BRWD3: variants seen among roughly 807,000 people sequenced by gnomAD.
BRWD3 encodes bromodomain and WD repeat-containing protein 3.
In BRWD3, 10 loss-of-function variants were observed where a neutral mutation model predicts 149.7. The ratio of observed to expected loss-of-function variants is 0.07; its 90% CI spans 0.04 to 0.11. BRWD3 has a LOEUF of 0.11. BRWD3 is among the 10% of genes least tolerant of loss of function. BRWD3 has a pLI of 1.00. For synonymous variants in BRWD3, 504 were observed against 456.7 expected (o/e 1.10, Z -1.32); for missense variants, 940 against 1,373.2 (o/e 0.68, Z 4.99).
Position 80,787,095 on chromosome X carries a change from A to C in BRWD3, c.430+4759T>G, listed in dbSNP as rs2074116501. ...TACTAGCAACAAACTGAAAATCAAA[A>C]ATCTTAAAAATACAAATTAAAACTA... On this transcript the variant is annotated intron_variant, in intron 6 of 40. Transcript: ENST00000373275. Among the ~76,000 whole-genome samples the C allele has an allele frequency of 4.5e-5, 5 of 111,833 alleles. No individual in the cohort carries two copies. In the Admixed American group the frequency reaches 4.8e-4, roughly 11 times the overall value.
chrX:80,721,090 T>C (rs1005649130), intron 17 of BRWD3, among the ~76,000 whole-genome samples: 1 of 112,341 alleles, frequency 8.9e-6, no homozygotes, highest in African/African-American at 3.2e-5. Flanking sequence ...ATTACTGTCT[T>C]TTGATAACAT....
At chrX:80,726,683 C>A (rs1361559754) in intron 14 of BRWD3, among the ~76,000 whole-genome samples, 1 of 110,238 alleles carries the variant, frequency 9.1e-6, no homozygotes, top group Non-Finnish European at 1.9e-5. Context: ...AATAGAGTAT[C>A]CTACCATATT....
At chrX:80,768,916 GA>G (rs1355494548) in intron 6 of BRWD3, among the ~76,000 whole-genome samples, 8 of 101,134 alleles carry the variant, frequency 7.9e-5, no homozygotes, top group African/African-American at 2.5e-4. Context: ...GCAAAAAAAA[GA>G]AAAAAAAAAG....
intron 14 of BRWD3, among the ~76,000 whole-genome samples, chrX:80,726,151 TATAACAC>T (rs1421612921): frequency 2.6e-4 from 28 of 108,816 alleles, no homozygotes; most frequent in African/African-American, 8.6e-4. Context: ...CTGTATAACA[TATAACAC>T]GTTTACATGT....
At chrX:80,808,458 G>A (rs1358076747) in intron 4 of BRWD3, 81 bp downstream of exon 4, 18 of 781,959 alleles carry the variant, frequency 2.3e-5, no homozygotes, top group Admixed American at 1.5e-4. Context: ...TCGGCTGAGA[G>A]GTGGGGGGCG....
chrX:80,768,489 A>T (rs1357619191), intron 6 of BRWD3, among the ~76,000 whole-genome samples: 7 of 111,587 alleles, frequency 6.3e-5, no homozygotes, highest in Non-Finnish European at 7.5e-5. Context: ...TAAGCTTCAT[A>T]AGTGAAGGAG....
chrX:80,783,531 A>C (rs1328838888), intron 6 of BRWD3, among the ~76,000 whole-genome samples: 1 of 111,132 alleles, frequency 9.0e-6, no homozygotes, highest in South Asian at 3.8e-4. Context: ...CAAAGAACTA[A>C]AAATAGGACT....
intron 12 of BRWD3, 48 bp from the exon 13 acceptor site, chrX:80,730,068 C>T: frequency 1.1e-6 from 1 of 938,017 alleles, no homozygotes; most frequent in Non-Finnish European, 1.5e-6. Flanking sequence ...AAATGTAAAT[C>T]ACTTTTTTTT....
At chrX:80,744,296 T>TTCA (rs779713508) in intron 7 of BRWD3, 43 bp from the exon 8 acceptor site, 26 of 655,832 alleles carry the variant, frequency 4.0e-5, no homozygotes, top group African/African-American at 5.7e-5. Flanking sequence ...GAAGCAGAAA[T>TTCA]TCACAATACC....
chrX:80,730,145 T>C (rs954283579), intron 12 of BRWD3, 125 bp from the exon 13 acceptor site: 7 of 492,755 alleles, frequency 1.4e-5, no homozygotes, highest in Non-Finnish European at 2.2e-5. Context: ...ACAGTCACTT[T>C]GGAAAACAGC....
chrX:80,732,736 T>C (rs1224744027), intron 12 of BRWD3, among the ~76,000 whole-genome samples: 1 of 111,759 alleles, frequency 8.9e-6, no homozygotes, highest in Non-Finnish European at 1.9e-5. Flanking sequence ...TAGAGAATAG[T>C]AGCAAAGAAT....
At chrX:80,770,559 T>C (rs1569281283) in intron 6 of BRWD3, among the ~76,000 whole-genome samples, 2 of 111,437 alleles carry the variant, frequency 1.8e-5, no homozygotes, top group Non-Finnish European at 3.8e-5. Context: ...CAACGCTTCA[T>C]GCTAAAAACT....
intron 6 of BRWD3, among the ~76,000 whole-genome samples, chrX:80,762,667 C>T (rs1006293339): frequency 7.2e-5 from 8 of 111,183 alleles, no homozygotes; most frequent in African/African-American, 2.6e-4. Context: ...CTGGCAGAGT[C>T]GCCTCTGGCT....
rs1292794756 is a variant in BRWD3 at position 80,791,907 on chromosome X, T to A, written c.377A>T (p.His126Leu). 7.5e-6 allele frequency: 9 copies of A among 1,206,656 alleles called. No individual in the cohort carries two copies. The South Asian group carries it at 1.4e-4, about 19-fold the overall frequency. ...AGGTAGTTCTGGAGGTCTGCCTCTA[T>A]GCAGAGCCGCAAAAGCAGACCCATT... ...LWNGSAFAAL[H>L]RGRPPELPVN... The change falls in exon 6 of 41, where the codon CAT becomes CTT. Residue 126 changes from histidine to leucine, a missense_variant. Physicochemically the swap from His to Leu is moderately conservative, Grantham distance 99. Coordinates refer to ENST00000373275, the MANE Select transcript of BRWD3 (RefSeq NM_153252.5).
chrX:80,754,838 C>G (rs1474289179), intron 6 of BRWD3, among the ~76,000 whole-genome samples: 1 of 111,042 alleles, frequency 9.0e-6, no homozygotes, highest in Non-Finnish European at 1.9e-5. Context: ...GAAACCCCAT[C>G]TCTACTAAAA....
Position 80,791,944 on chromosome X carries a change from T to G in BRWD3, c.340A>C (p.Ser114Arg), listed in dbSNP as rs1176248398. 8.4e-7 allele frequency: 1 copy of G among 1,184,923 alleles called. No individual in the cohort carries two copies. The highest frequency in any genetic ancestry group is 1.1e-6 in the Non-Finnish European group (1 of 874,960). ...SLLRDAKDCKSTLWNGSAFAA... is the reference protein window; with the variant it reads ...SLLRDAKDCKRTLWNGSAFAA... The stretch of plus-strand genomic sequence containing the variant: ...AAAGCAGACCCATTCCATAGTGTAC[T>G]CTTACAGTCTATATAAAAAGAACAA... The change falls in exon 6 of 41, where the codon AGT (serine) becomes CGT (arginine). Residue 114 changes from serine (S) to arginine (R), a missense_variant. Around this residue, in one of 6 missense-constraint regions of BRWD3, gnomAD observed 105 missense variants for 127.7 expected, o/e 0.82. Transcript: ENST00000373275.
chrX:80,719,445 TAC>T, intron 18 of BRWD3, 42 bp downstream of exon 18: 1 of 1,081,830 alleles, frequency 9.2e-7, no homozygotes, highest in Middle Eastern at 2.5e-4. Flanking sequence ...GTAAAATAAT[TAC>T]AGTACATAAA....
intron 20 of BRWD3, chrX:80,710,720 G>A: frequency 1.6e-6 from 1 of 627,447 alleles, no homozygotes; most frequent in Non-Finnish European, 2.6e-6. Flanking sequence ...TGATAAGCCA[G>A]CCTATGTATG....
chrX:80,707,220 T>C (rs777844232), intron 22 of BRWD3, among the ~76,000 whole-genome samples: 2 of 112,695 alleles, frequency 1.8e-5, no homozygotes, highest in Non-Finnish European at 3.8e-5. Context: ...GAATCTTATT[T>C]TATAGATGAA....
Sources: gnomAD v4.1 joint callset for allele counts (sites outside exome capture counted in the v4.1 genomes callset) on GRCh38, gnomAD v4.1.1 for gene constraint, gnomAD v4.1.1 regional missense constraint, MANE v1.5 for transcripts, NCBI Gene and HGNC (gene_info 2026-07-23, HGNC 2026-07-21) for gene names.